Variants in EPAS1 observed in about 807,000 individuals in gnomAD.
The protein encoded by EPAS1 is endothelial PAS domain protein 1.
A neutral mutation model predicts 87.9 loss-of-function variants in EPAS1; 23 were observed. The ratio of observed to expected loss-of-function variants is 0.26; its 90% CI spans 0.19 to 0.37. The LOEUF (loss-of-function observed/expected upper bound fraction) is 0.37. Among genes scored for constraint, EPAS1 ranks in the 10% least tolerant of loss-of-function variants. The pLI is 1.00. For missense variants in EPAS1, 1,138 were observed against 1,120.7 expected (o/e 1.02, Z -0.22); for synonymous variants, 508 against 444.3 (o/e 1.14, Z -1.80).
chr2:46,354,111 T>C (rs1327416173), intron 2 of EPAS1, among the ~76,000 whole-genome samples: 1 of 152,196 alleles, frequency 6.6e-6, no homozygotes, highest in Non-Finnish European at 1.5e-5. Context: ...TAACAGCAGG[T>C]AACCCAAAGC....
chr2:46,384,765 T>C lies in EPAS1; in HGVS notation c.*105T>C. ...GTATTTCTAACGCCAGCACACTATTTACAAGATGGACTTACCTGGCAGACT... is the reference window on the plus strand; with the variant it reads ...GTATTTCTAACGCCAGCACACTATTCACAAGATGGACTTACCTGGCAGACT... On this transcript the variant is annotated 3_prime_UTR_variant, in exon 16 of 16. Transcript: ENST00000263734. 1 of 1,464,294 alleles carries C rather than the reference T, an allele frequency of 6.8e-7. No homozygotes were observed. The highest frequency in any genetic ancestry group is 9.2e-7 in the Non-Finnish European group (1 of 1,081,330). 90.7% of individuals were successfully genotyped at this position (1,464,294 alleles called of 1,614,324 possible). A position where few individuals can be genotyped will look rare whatever the true frequency, so the allele number is the denominator to read the frequency against.
intron 6 of EPAS1, among the ~76,000 whole-genome samples, chr2:46,362,707 T>G (rs1684417967): frequency 6.6e-6 from 1 of 152,196 alleles, no homozygotes; most frequent in Non-Finnish European, 1.5e-5. Context: ...GGCCTGGTGT[T>G]GGTTGGTCGC....
At chr2:46,320,776 A>G (rs956324584) in intron 1 of EPAS1, among the ~76,000 whole-genome samples, 27 of 152,312 alleles carry the variant, frequency 1.8e-4, no homozygotes, top group East Asian at 5.8e-4. Flanking sequence ...ACTTTGTGTG[A>G]GAGTTTAGTT....
At chr2:46,369,792 T>G (rs1475535888) in intron 6 of EPAS1, 35 bp from the exon 7 acceptor site, 1 of 1,539,948 alleles carries the variant, frequency 6.5e-7, no homozygotes. Flanking sequence ...TAATATGGTC[T>G]TTCTTCCTTA....
intron 1 of EPAS1, among the ~76,000 whole-genome samples, chr2:46,336,900 A>C (rs1162422244): frequency 6.6e-6 from 1 of 152,260 alleles, no homozygotes; most frequent in Non-Finnish European, 1.5e-5. Context: ...CTCCACAGGC[A>C]GCTGTCAGCA....
intron 2 of EPAS1, among the ~76,000 whole-genome samples, chr2:46,352,896 G>T (rs1030577662): frequency 6.6e-6 from 1 of 152,166 alleles, no homozygotes; most frequent in Non-Finnish European, 1.5e-5. Flanking sequence ...AGCCGATTTC[G>T]CCACCTCCTG....
At chr2:46,355,730 C>A (rs116488712) in intron 2 of EPAS1, among the ~76,000 whole-genome samples, 1,683 of 152,276 alleles carry the variant, frequency 0.011, 39 homozygotes, top group African/African-American at 0.038. Flanking sequence ...GAGAAGAGGG[C>A]TAGAGGGCTG....
intron 1 of EPAS1, among the ~76,000 whole-genome samples, chr2:46,313,670 T>C (rs912847989): frequency 3.3e-5 from 5 of 152,174 alleles, no homozygotes; most frequent in African/African-American, 1.2e-4. Context: ...CAGGCTGGTC[T>C]CAAACTCTGA....
chr2:46,378,198 G>A, intron 10 of EPAS1, 111 bp downstream of exon 10: 1 of 1,480,042 alleles, frequency 6.8e-7, no homozygotes, highest in Non-Finnish European at 8.9e-7. Flanking sequence ...GGTTATCACA[G>A]AGCCCCCTAG....
intron 1 of EPAS1, among the ~76,000 whole-genome samples, chr2:46,334,572 G>T (rs1468384388): frequency 6.6e-6 from 1 of 152,084 alleles, no homozygotes; most frequent in Non-Finnish European, 1.5e-5. Flanking sequence ...CTACAGCCCT[G>T]ACTGTTCAGC....
chr2:46,376,472 G>C (rs1411934209), intron 8 of EPAS1, 67 bp from the exon 9 acceptor site: 14 of 1,505,562 alleles, frequency 9.3e-6, no homozygotes, highest in Non-Finnish European at 1.3e-5. Context: ...GGGTTTCCAT[G>C]CATCTAGGGG....
At chr2:46,299,279 C>A (rs1682947739) in intron 1 of EPAS1, among the ~76,000 whole-genome samples, 1 of 152,230 alleles carries the variant, frequency 6.6e-6, no homozygotes, top group Admixed American at 6.5e-5. Flanking sequence ...GGCGCCCGGG[C>A]CCTTCACTGC....
At chr2:46,345,171 G>T (rs957670155) in intron 1 of EPAS1, among the ~76,000 whole-genome samples, 16 of 152,160 alleles carry the variant, frequency 1.1e-4, no homozygotes, top group African/African-American at 3.9e-4. Flanking sequence ...ATAGAGACAG[G>T]GTCTCACTAT....
chr2:46,386,370 A>G lies in EPAS1; in HGVS notation c.*1710A>G, dbSNP rs997149809. ...ATTTAAGTTCTATGAGAAATTCCTT[A>G]GTCATGGTGTTGCGTAAATCATATT... is the stretch of plus-strand genomic sequence containing the variant. On this transcript the variant is annotated 3_prime_UTR_variant, in exon 16 of 16. Coordinates refer to ENST00000263734, the MANE Select transcript of EPAS1 (RefSeq NM_001430.5). 1 of 152,658 alleles carries G rather than the reference A, an allele frequency of 6.6e-6. No homozygotes were observed. Among genetic ancestry groups the G allele is most frequent in the African/African-American group, 2.4e-5 (1 of 41,462 alleles). 9.5% of individuals were successfully genotyped at this position (152,658 alleles called of 1,614,324 possible). A position where few individuals can be genotyped will look rare whatever the true frequency, so the allele number is the denominator to read the frequency against.
At chr2:46,316,204 A>G (rs1202009032) in intron 1 of EPAS1, among the ~76,000 whole-genome samples, 2 of 152,244 alleles carry the variant, frequency 1.3e-5, no homozygotes, top group African/African-American at 4.8e-5. Context: ...TTCCTCGTGC[A>G]TATGAAAGTT....
chr2:46,302,374 G>A (rs1683025729), intron 1 of EPAS1, among the ~76,000 whole-genome samples: 1 of 151,888 alleles, frequency 6.6e-6, no homozygotes, highest in South Asian at 2.1e-4. Flanking sequence ...TGTTTTCCTT[G>A]GTTCTGCCCT....
intron 6 of EPAS1, among the ~76,000 whole-genome samples, chr2:46,364,615 T>C (rs922150441): frequency 6.6e-6 from 1 of 152,232 alleles, no homozygotes; most frequent in Non-Finnish European, 1.5e-5. Flanking sequence ...TAATTGTTTT[T>C]AAAATAGTAA....
intron 15 of EPAS1, among the ~76,000 whole-genome samples, chr2:46,382,873 C>A (rs899213185): frequency 6.6e-6 from 1 of 152,304 alleles, no homozygotes; most frequent in East Asian, 1.9e-4. Context: ...CAGACCACTA[C>A]CGACTGCCCA....
intron 6 of EPAS1, among the ~76,000 whole-genome samples, chr2:46,364,200 G>T (rs970894659): frequency 2.6e-5 from 4 of 152,144 alleles, no homozygotes; most frequent in African/African-American, 9.7e-5. Context: ...TTTTAATCAG[G>T]AAATTCACTA....
Sources: gnomAD v4.1 joint callset for allele counts (sites outside exome capture counted in the v4.1 genomes callset) on GRCh38, gnomAD v4.1.1 for gene constraint, MANE v1.5 for transcripts, NCBI Gene and HGNC (gene_info 2026-07-23, HGNC 2026-07-21) for gene names.